NRG1: variants seen among roughly 807,000 people sequenced by gnomAD.
NRG1 encodes the protein pro-neuregulin-1, membrane-bound isoform.
NRG1 carries 18 observed loss-of-function variants against 63.8 expected under a neutral mutation model. The ratio of observed to expected loss-of-function variants is 0.28; its 90% CI spans 0.19 to 0.42. NRG1 has a LOEUF of 0.42. NRG1 is among the 10% of genes least tolerant of loss of function. The pLI is 1.00. For synonymous variants in NRG1, 302 were observed against 301.3 expected, an observed-to-expected ratio of 1.00 and a Z score of -0.02; for missense variants, 762 against 814.7, an observed-to-expected ratio of 0.94 and a Z score of 0.79.
chr8:32,452,309 A>G (rs1416710963), intron 1 of NRG1, among the ~76,000 whole-genome samples: 1 of 152,164 alleles, frequency 6.6e-6, no homozygotes, highest in Non-Finnish European at 1.5e-5. Context: ...TGTGAACTAA[A>G]GAGGGAGTGT....
intron 1 of NRG1, among the ~76,000 whole-genome samples, chr8:32,439,856 G>T (rs1208406703): frequency 2.9e-5 from 4 of 139,158 alleles, no homozygotes; most frequent in African/African-American, 1.0e-4. Context: ...CTGCAGCCTT[G>T]ATCTTCTGGG....
intron 1 of NRG1, among the ~76,000 whole-genome samples, chr8:32,196,090 G>A (rs1225486274): frequency 6.6e-6 from 1 of 151,018 alleles, no homozygotes; most frequent in African/African-American, 2.4e-5. Context: ...GTTAGTGCCT[G>A]TACAAATAAT....
At chr8:32,206,045 A>C (rs1298957991) in intron 1 of NRG1, among the ~76,000 whole-genome samples, 2 of 152,132 alleles carry the variant, frequency 1.3e-5, no homozygotes, top group Non-Finnish European at 2.9e-5. Context: ...TCAAGGTTAC[A>C]ATGAGCTATG....
intron 1 of NRG1, among the ~76,000 whole-genome samples, chr8:31,936,668 T>C (rs967397624): frequency 1.3e-5 from 2 of 152,210 alleles, no homozygotes; most frequent in African/African-American, 4.8e-5. Context: ...GACTCCAAAT[T>C]TGAGGCCTGA....
At chr8:32,426,261 G>A (rs969016046) in intron 1 of NRG1, among the ~76,000 whole-genome samples, 1 of 152,256 alleles carries the variant, frequency 6.6e-6, no homozygotes, top group East Asian at 1.9e-4. Context: ...ATCAATGGCC[G>A]TAGGTTGCTG....
intron 1 of NRG1, among the ~76,000 whole-genome samples, chr8:32,026,740 C>T (rs1817437699): frequency 6.6e-6 from 1 of 152,028 alleles, no homozygotes; most frequent in Non-Finnish European, 1.5e-5. Flanking sequence ...GCTCCTTCAA[C>T]CTAAAGATTT....
At chr8:32,263,218 C>A (rs887669873) in intron 1 of NRG1, among the ~76,000 whole-genome samples, 20 of 152,128 alleles carry the variant, frequency 1.3e-4, no homozygotes, top group African/African-American at 3.9e-4. Context: ...TATGCTATCC[C>A]CTATGTGCTA....
chr8:32,364,620 A>G (rs1000585340), intron 1 of NRG1, among the ~76,000 whole-genome samples: 1 of 152,162 alleles, frequency 6.6e-6, no homozygotes, highest in African/African-American at 2.4e-5. Flanking sequence ...ACAAATAATA[A>G]TGTGATAAAC....
At chr8:32,052,502 A>T (rs1822153883) in intron 1 of NRG1, among the ~76,000 whole-genome samples, 1 of 151,902 alleles carries the variant, frequency 6.6e-6, no homozygotes, top group Admixed American at 6.6e-5. Flanking sequence ...GACTGGTCTC[A>T]AACTCCTGGC....
intron 1 of NRG1, among the ~76,000 whole-genome samples, chr8:32,473,822 T>C (rs2347511): frequency 0.62 from 94,488 of 151,918 alleles, 29,648 homozygotes; most frequent in East Asian, 0.8. Context: ...TAGCTAGGAC[T>C]ACAGGCACGC....
At chr8:31,751,336 T>C (rs1816439743) in intron 1 of NRG1, among the ~76,000 whole-genome samples, 1 of 152,036 alleles carries the variant, frequency 6.6e-6, no homozygotes, top group Non-Finnish European at 1.5e-5. Context: ...GCCCTTGGGC[T>C]AGTAATTAAA....
chr8:32,051,614 C>T (rs1821988652), intron 1 of NRG1, among the ~76,000 whole-genome samples: 1 of 152,070 alleles, frequency 6.6e-6, no homozygotes, highest in African/African-American at 2.4e-5. Flanking sequence ...TATGGCATGC[C>T]AGCAACCTCA....
chr8:32,550,425 A>G (rs1490823164), intron 1 of NRG1, among the ~76,000 whole-genome samples: 1 of 152,076 alleles, frequency 6.6e-6, no homozygotes, highest in Non-Finnish European at 1.5e-5. Flanking sequence ...GTAAAGAGTT[A>G]TTTTGGGGGC....
At chr8:31,684,696 G>A (rs9297178) in intron 1 of NRG1, among the ~76,000 whole-genome samples, 32,907 of 151,822 alleles carry the variant, frequency 0.22, 4,325 homozygotes, top group East Asian at 0.59. Context: ...AACGTGTGAT[G>A]TATATATTAC....
chr8:31,863,856 A>G (rs1332157345), intron 1 of NRG1, among the ~76,000 whole-genome samples: 4 of 152,184 alleles, frequency 2.6e-5, no homozygotes, highest in Admixed American at 2.6e-4. Flanking sequence ...TCATAGCTTC[A>G]TGGGCATACC....
chr8:32,592,691 A>G (rs1842728300), intron 1 of NRG1, among the ~76,000 whole-genome samples: 1 of 152,180 alleles, frequency 6.6e-6, no homozygotes, highest in Admixed American at 6.5e-5. Context: ...GGAAGAAAAC[A>G]AAGTCTCCAT....
At chr8:32,014,954 G>T (rs146339689) in intron 1 of NRG1, among the ~76,000 whole-genome samples, 1 of 152,020 alleles carries the variant, frequency 6.6e-6, no homozygotes, top group Non-Finnish European at 1.5e-5. Flanking sequence ...ACCAAAGATT[G>T]CCAGCAAATC....
intron 1 of NRG1, among the ~76,000 whole-genome samples, chr8:31,897,022 G>A (rs963011372): frequency 1.3e-5 from 2 of 152,170 alleles, no homozygotes; most frequent in African/African-American, 2.4e-5. Context: ...AAAGTTGCTT[G>A]TACAGGATGA....
At chr8:32,393,974 C>A (rs1177625503) in intron 1 of NRG1, among the ~76,000 whole-genome samples, 2 of 152,106 alleles carry the variant, frequency 1.3e-5, no homozygotes, top group African/African-American at 4.8e-5. Context: ...ATTTTATATT[C>A]CTCCCATCTG....
Sources: allele counts gnomAD v4.1 joint callset (sites outside exome capture counted in the v4.1 genomes callset), GRCh38; gene constraint gnomAD v4.1.1; transcripts MANE v1.5; gene names NCBI Gene and HGNC (gene_info 2026-07-23, HGNC 2026-07-21).